BBX: variants seen among roughly 807,000 people sequenced by gnomAD.
The protein encoded by BBX is BBX high mobility group box domain containing.
In BBX, 30 loss-of-function variants were observed where a neutral mutation model predicts 100.2. That is an observed-to-expected ratio of 0.30 (90% CI 0.22 to 0.41). The LOEUF (loss-of-function observed/expected upper bound fraction) is 0.41. Ranked by LOEUF, BBX falls within the 10% of genes least tolerant of loss-of-function variation. The pLI is 1.00. For synonymous variants in BBX, 376 were observed against 388.1 expected, an observed-to-expected ratio of 0.97 and a Z score of 0.37; for missense variants, 1,023 against 1,129.8, an observed-to-expected ratio of 0.91 and a Z score of 1.35.
At chr3:107,780,916 G>T (rs2067813488) in intron 13 of BBX, among the ~76,000 whole-genome samples, 1 of 151,874 alleles carries the variant, frequency 6.6e-6, no homozygotes, top group African/African-American at 2.4e-5. Context: ...GAGATCATTA[G>T]TTCATTAATA....
rs144217718 is a variant in BBX at position 107,618,379 on chromosome 3, A to G, written c.-83-27457A>G. Among the ~76,000 whole-genome samples the G allele has an allele frequency of 1.3e-3, 193 of 152,120 alleles. 2 individuals carry two copies. In the South Asian group the frequency reaches 0.022, roughly 18 times the overall value. ...GTGTTAGTTCGAAAGTAATACCAAA[A>G]TTGTTTTTCTGTTTTCAATTTTACT... is the stretch of plus-strand genomic sequence containing the variant. On this transcript the variant is annotated intron_variant, in intron 2 of 17. Transcript: ENST00000325805.
chr3:107,680,754 G>A (rs1348124242), intron 3 of BBX, among the ~76,000 whole-genome samples: 1 of 152,132 alleles, frequency 6.6e-6, no homozygotes, highest in Non-Finnish European at 1.5e-5. Flanking sequence ...CACACTAAGT[G>A]ATCATGAAGT....
At chr3:107,677,524 A>C (rs1327548688) in intron 3 of BBX, 1 of 152,160 alleles carries the variant, frequency 6.6e-6, no homozygotes, top group Non-Finnish European at 1.5e-5. Context: ...AACCTTCCAA[A>C]CATCATAACT....
At chr3:107,659,762 A>G (rs1161578590) in intron 3 of BBX, 1 of 1,279,082 alleles carries the variant, frequency 7.8e-7, no homozygotes, top group Non-Finnish European at 1.0e-6. Flanking sequence ...TGCACTGTTT[A>G]TTTTTAACGT....
chr3:107,726,686 G>C (rs1042915411), intron 5 of BBX, among the ~76,000 whole-genome samples: 7 of 151,940 alleles, frequency 4.6e-5, no homozygotes, highest in Admixed American at 4.6e-4. Flanking sequence ...CATTTTTCCT[G>C]CCCGAGCCAG....
intron 7 of BBX, among the ~76,000 whole-genome samples, chr3:107,737,192 T>A (rs915376041): frequency 8.5e-5 from 13 of 152,136 alleles, no homozygotes; most frequent in African/African-American, 1.2e-4. Context: ...TAGGTATATA[T>A]TATTGCCATT....
chr3:107,600,840 G>C (rs1232338066), intron 2 of BBX, among the ~76,000 whole-genome samples: 1 of 152,014 alleles, frequency 6.6e-6, no homozygotes, highest in Non-Finnish European at 1.5e-5. Flanking sequence ...AGAGAGACAG[G>C]TGGCCATCCT....
intron 7 of BBX, among the ~76,000 whole-genome samples, chr3:107,734,304 A>G (rs967687486): frequency 6.6e-6 from 1 of 152,226 alleles, no homozygotes; most frequent in East Asian, 1.9e-4. Context: ...AGAAATGTAT[A>G]AATGTGTAAA....
At chr3:107,576,715 T>G (rs566808478) in intron 2 of BBX, among the ~76,000 whole-genome samples, 4 of 143,752 alleles carry the variant, frequency 2.8e-5, no homozygotes, top group South Asian at 2.1e-4. Flanking sequence ...TTGATTGATC[T>G]ATCTATCTAG....
At chr3:107,739,556 C>T (rs1020573019) in intron 7 of BBX, among the ~76,000 whole-genome samples, 1 of 152,210 alleles carries the variant, frequency 6.6e-6, no homozygotes. Flanking sequence ...ACAAATCACA[C>T]ATCCTCCGTA....
At chr3:107,793,980 G>A (rs1046984650) in intron 15 of BBX, among the ~76,000 whole-genome samples, 1 of 151,512 alleles carries the variant, frequency 6.6e-6, no homozygotes, top group African/African-American at 2.4e-5. Flanking sequence ...TTGAAATTTC[G>A]GTATATATGT....
At chr3:107,622,019 T>A (rs890600165) in intron 2 of BBX, among the ~76,000 whole-genome samples, 11 of 152,204 alleles carry the variant, frequency 7.2e-5, no homozygotes, top group African/African-American at 2.7e-4. Context: ...ATAGATTTCG[T>A]GTACAGTTCT....
chr3:107,790,201 T>C (rs2068857497), intron 14 of BBX, among the ~76,000 whole-genome samples: 1 of 152,180 alleles, frequency 6.6e-6, no homozygotes, highest in Non-Finnish European at 1.5e-5. Flanking sequence ...CTTTGACTAT[T>C]CTTGGTTTTC....
At chr3:107,534,815 T>C (rs2048383665) in intron 2 of BBX, among the ~76,000 whole-genome samples, 1 of 152,198 alleles carries the variant, frequency 6.6e-6, no homozygotes, top group African/African-American at 2.4e-5. Flanking sequence ...ATAATGGAAA[T>C]AAACTCCTTA....
At chr3:107,714,039 G>T (rs1382831906) in intron 4 of BBX, among the ~76,000 whole-genome samples, 2 of 121,560 alleles carry the variant, frequency 1.6e-5, no homozygotes, top group Non-Finnish European at 3.2e-5. Context: ...GCAGTAGTGT[G>T]ATCTTGGCTC....
chr3:107,546,725 A>G lies in BBX; in HGVS notation c.-84+20327A>G, dbSNP rs1559796637. On this transcript the variant is annotated intron_variant, in intron 2 of 17. Transcript: ENST00000325805. ...TCTGTTAAATGCCTTTTTGATTTAA[A>G]GTGTGTGAATTAGATATTTGATCAT... 2.0e-5 allele frequency among the ~76,000 whole-genome samples: 3 copies of G among 152,196 alleles called. No homozygotes were observed. The South Asian group carries it at 6.2e-4, about 31-fold the overall frequency.
chr3:107,744,672 G>C lies in BBX; in HGVS notation c.712G>C (p.Glu238Gln), dbSNP rs1023700526. Residue 238 changes from glutamate (E) to glutamine (Q), a missense_variant, in exon 8 of 18, where the codon GAA becomes CAA. Glu to Gln is a conservative substitution (Grantham distance 29). This residue lies in a region of BBX where 95 missense variants were observed against 95.1 expected (regional missense o/e 1.00). Coordinates refer to ENST00000325805, the MANE Select transcript of BBX (RefSeq NM_001142568.3). ...TCRPDVSESP[E>Q]LRQKSPLFQF... is the part of the protein sequence containing the mutation. ...CAGGCCTGATGTTTCAGAATCTCCTGAATTACGTCAGAAGTCACCATTGTT... is the reference window on the plus strand; with the variant it reads ...CAGGCCTGATGTTTCAGAATCTCCTCAATTACGTCAGAAGTCACCATTGTT... 14 of 1,613,162 alleles carry C rather than the reference G, an allele frequency of 8.7e-6. No individual in the cohort carries two copies. The highest frequency in any genetic ancestry group is 1.2e-5 in the Non-Finnish European group (14 of 1,179,456).
intron 17 of BBX, among the ~76,000 whole-genome samples, chr3:107,805,003 C>A (rs2070940841): frequency 6.6e-6 from 1 of 152,116 alleles, no homozygotes; most frequent in South Asian, 2.1e-4. Flanking sequence ...AACCCCAGTC[C>A]TTGATTGAAA....
chr3:107,554,630 T>G (rs1019879475), intron 2 of BBX, among the ~76,000 whole-genome samples: 3 of 152,252 alleles, frequency 2.0e-5, no homozygotes, highest in Non-Finnish European at 4.4e-5. Context: ...CTAGTTTCTG[T>G]AGCTCTTTGA....
Sources: allele counts gnomAD v4.1 joint callset (sites outside exome capture counted in the v4.1 genomes callset), GRCh38; gene constraint gnomAD v4.1.1; regional missense constraint gnomAD v4.1.1; transcripts MANE v1.5; gene names NCBI Gene and HGNC (gene_info 2026-07-23, HGNC 2026-07-21).